NPAS3: variants seen among roughly 807,000 people sequenced by gnomAD.
NPAS3 encodes the protein neuronal PAS domain protein 3.
In NPAS3, 14 loss-of-function variants were observed where a neutral mutation model predicts 73.1. The ratio of observed to expected loss-of-function variants is 0.19; its 90% CI spans 0.13 to 0.30. NPAS3 has a LOEUF of 0.30. NPAS3 is among the 10% of genes least tolerant of loss of function. NPAS3 has a pLI of 1.00. For missense variants in NPAS3, 1,096 were observed against 1,250.0 expected (o/e 0.88, Z 1.86); for synonymous variants, 620 against 541.5 (o/e 1.14, Z -2.01).
intron 5 of NPAS3, among the ~76,000 whole-genome samples, chr14:33,669,558 C>G (rs1036147305): frequency 1.3e-5 from 2 of 152,120 alleles, no homozygotes; most frequent in African/African-American, 4.8e-5. Context: ...TATACCTGAT[C>G]TAAGATTACA....
chr14:33,628,539 T>C (rs1439310050), intron 5 of NPAS3, among the ~76,000 whole-genome samples: 2 of 152,232 alleles, frequency 1.3e-5, no homozygotes, highest in Admixed American at 1.3e-4. Flanking sequence ...ATGAATGATG[T>C]GTTAACACCT....
At chr14:33,138,587 G>A (rs1279031217) in intron 2 of NPAS3, among the ~76,000 whole-genome samples, 2 of 152,134 alleles carry the variant, frequency 1.3e-5, no homozygotes, top group African/African-American at 4.8e-5. Context: ...GGTCCAGAGA[G>A]ATACAAAACA....
chr14:33,248,125 C>A (rs761894295), intron 3 of NPAS3, among the ~76,000 whole-genome samples: 2 of 152,194 alleles, frequency 1.3e-5, no homozygotes, highest in African/African-American at 4.8e-5. Context: ...CACAGTGATA[C>A]AACTGCTTAC....
chr14:33,135,977 A>G lies in NPAS3; in HGVS notation c.141-79205A>G, dbSNP rs533708909. Among the ~76,000 whole-genome samples the G allele has an allele frequency of 2.0e-5, 3 of 152,254 alleles. No individual in the cohort carries two copies. The South Asian group carries it at 6.2e-4, about 32-fold the overall frequency. On this transcript the variant is annotated intron_variant, in intron 2 of 11. Transcript: ENST00000356141. ...ACACAATAGGTTGTCTTATGTAATAAAAGCAGCACAAGTAGACATGGTGTA... is the reference window on the plus strand; with the variant it reads ...ACACAATAGGTTGTCTTATGTAATAGAAGCAGCACAAGTAGACATGGTGTA...
chr14:33,688,162 A>G (rs754826173), intron 6 of NPAS3, among the ~76,000 whole-genome samples: 1 of 152,196 alleles, frequency 6.6e-6, no homozygotes, highest in Non-Finnish European at 1.5e-5. Flanking sequence ...TTGGTGTACA[A>G]ATGATCCCAT....
At chr14:33,673,556 A>AACAAG (rs2059670981) in intron 5 of NPAS3, among the ~76,000 whole-genome samples, 1 of 152,226 alleles carries the variant, frequency 6.6e-6, no homozygotes, top group Non-Finnish European at 1.5e-5. Flanking sequence ...CAGCAACAAC[A>AACAAG]ACAAGACATG....
In NPAS3 at chr14:33,629,089, G is replaced by A. The variant is rs536172919; in HGVS notation, c.559-47122G>A. Among the ~76,000 whole-genome samples the A allele has an allele frequency of 3.9e-5, 6 of 152,218 alleles. No individual in the cohort carries two copies. In the South Asian group the frequency reaches 1.2e-3, roughly 32 times the overall value. ...TACTAAAAAAAATACCAAAAAAATA[G>A]CCAGGCGTGGTGGTGGGTGCCTGTA... On this transcript the variant is annotated intron_variant, in intron 5 of 11. Transcript: ENST00000356141.
chr14:33,724,136 C>A (rs2140564073), intron 6 of NPAS3, among the ~76,000 whole-genome samples: 1 of 151,872 alleles, frequency 6.6e-6, no homozygotes, highest in South Asian at 2.1e-4. Context: ...ATATCATAAA[C>A]AAAAGTAAAA....
intron 4 of NPAS3, among the ~76,000 whole-genome samples, chr14:33,461,052 G>A (rs1010173091): frequency 3.9e-5 from 6 of 152,294 alleles, no homozygotes; most frequent in African/African-American, 1.2e-4. Context: ...GTATTATTGG[G>A]AATAAAACTG....
chr14:33,209,739 A>T lies in NPAS3; in HGVS notation c.141-5443A>T, dbSNP rs555374984. Among the ~76,000 whole-genome samples the T allele has an allele frequency of 4.6e-5, 7 of 152,324 alleles. No homozygotes were observed. The South Asian group carries it at 1.4e-3, about 32-fold the overall frequency. The stretch of plus-strand genomic sequence containing the variant: ...CTGTCTGGCTCCTTAGAAGTACTTT[A>T]AAAAGGTAAAATTTAAAATGGTTTT... On this transcript the variant is annotated intron_variant, in intron 2 of 11. Transcript: ENST00000356141.
At chr14:33,369,572 A>G (rs1409799194) in intron 4 of NPAS3, among the ~76,000 whole-genome samples, 1 of 152,172 alleles carries the variant, frequency 6.6e-6, no homozygotes, top group Non-Finnish European at 1.5e-5. Flanking sequence ...GTAGACTTTC[A>G]GGAGAAATAT....
At chr14:33,197,735 T>A (rs1181802415) in intron 2 of NPAS3, among the ~76,000 whole-genome samples, 1 of 152,196 alleles carries the variant, frequency 6.6e-6, no homozygotes, top group Non-Finnish European at 1.5e-5. Flanking sequence ...TTGGAGAGAT[T>A]TAACATTTCA....
chr14:33,557,021 C>G (rs910454240), intron 4 of NPAS3, among the ~76,000 whole-genome samples: 2 of 152,154 alleles, frequency 1.3e-5, no homozygotes, highest in African/African-American at 4.8e-5. Flanking sequence ...TTATAAGATT[C>G]AAGGGAATAG....
intron 9 of NPAS3, among the ~76,000 whole-genome samples, chr14:33,792,350 A>C (rs913981682): frequency 5.9e-5 from 9 of 152,166 alleles, no homozygotes; most frequent in Non-Finnish European, 1.5e-5. Flanking sequence ...TTTTCAAGTA[A>C]CAGTTAAGAC....
At chr14:33,609,921 G>A (rs141381967) in intron 5 of NPAS3, among the ~76,000 whole-genome samples, 5 of 152,176 alleles carry the variant, frequency 3.3e-5, no homozygotes, top group African/African-American at 1.2e-4. Context: ...GTTTTAAATT[G>A]TTCATTTGTT....
At chr14:33,103,980 T>C (rs185458228) in intron 2 of NPAS3, among the ~76,000 whole-genome samples, 3 of 152,256 alleles carry the variant, frequency 2.0e-5, no homozygotes, top group Admixed American at 6.5e-5. Context: ...ATCTTAAATA[T>C]GCTGTTGACA....
At chr14:33,677,835 A>C (rs1449829439) in intron 6 of NPAS3, among the ~76,000 whole-genome samples, 1 of 152,226 alleles carries the variant, frequency 6.6e-6, no homozygotes, top group African/African-American at 2.4e-5. Context: ...GGCAAGTGAT[A>C]TATTCTTATA....
intron 2 of NPAS3, among the ~76,000 whole-genome samples, chr14:33,207,690 G>A (rs956192493): frequency 7.2e-5 from 11 of 152,138 alleles, no homozygotes; most frequent in Non-Finnish European, 1.5e-4. Context: ...CAGAATTTAT[G>A]AGAAATGGAA....
At chr14:33,116,192 T>TA (rs1276044708) in intron 2 of NPAS3, among the ~76,000 whole-genome samples, 2 of 152,178 alleles carry the variant, frequency 1.3e-5, no homozygotes, top group African/African-American at 4.8e-5. Context: ...AAAGGGATTA[T>TA]ATCTCCATAT....
Sources: allele counts gnomAD v4.1 joint callset (sites outside exome capture counted in the v4.1 genomes callset), GRCh38; gene constraint gnomAD v4.1.1; transcripts MANE v1.5; gene names NCBI Gene and HGNC (gene_info 2026-07-23, HGNC 2026-07-21).